Variants in RASSF3 observed in about 807,000 individuals in gnomAD.
RASSF3 encodes the protein ras association domain-containing protein 3.
A neutral mutation model predicts 19.9 loss-of-function variants in RASSF3; 19 were observed. The ratio of observed to expected loss-of-function variants is 0.96; its 90% CI spans 0.67 to 1.40. The LOEUF (loss-of-function observed/expected upper bound fraction) is 1.40, where lower values mean the gene tolerates loss of function less well. RASSF3 is among the 40% of genes most tolerant of loss of function. The probability of loss-of-function intolerance (pLI) is 0.00; values close to 1 mark genes in which losing one functional copy is unlikely to be tolerated. For missense variants in RASSF3, 306 were observed against 289.8 expected (o/e 1.06, Z -0.41); for synonymous variants, 110 against 104.2 (o/e 1.06, Z -0.34).
intron 1 of RASSF3, among the ~76,000 whole-genome samples, chr12:64,667,721 T>C (rs1166631271): frequency 6.6e-6 from 1 of 152,210 alleles, no homozygotes; most frequent in African/African-American, 2.4e-5. Context: ...TTTACCTTTA[T>C]GCTGATCAGG....
chr12:64,657,130 A>G (rs1277411628), intron 1 of RASSF3, among the ~76,000 whole-genome samples: 1 of 151,308 alleles, frequency 6.6e-6, no homozygotes, highest in African/African-American at 2.4e-5. Flanking sequence ...TCCTGCCTCA[A>G]CCTCCCTTGT....
chr12:64,647,258 AT>A (rs567500189), intron 1 of RASSF3, among the ~76,000 whole-genome samples: 6 of 149,930 alleles, frequency 4.0e-5, no homozygotes, highest in African/African-American at 1.5e-4. Context: ...TATTTATTTT[AT>A]TTTTTTTAAG....
intron 3 of RASSF3, among the ~76,000 whole-genome samples, chr12:64,689,198 A>T (rs1873478124): frequency 6.7e-6 from 1 of 150,198 alleles, no homozygotes; most frequent in African/African-American, 2.5e-5. Flanking sequence ...TCAGTGACTC[A>T]CTACATGCGA....
At chr12:64,603,875 G>A (rs1453861600) in intron 2 of RASSF3, among the ~76,000 whole-genome samples, 2 of 152,022 alleles carry the variant, frequency 1.3e-5, no homozygotes, top group Non-Finnish European at 2.9e-5. Flanking sequence ...TTGAGATGGA[G>A]TCTTGCTCTG....
chr12:64,637,865 C>T (rs1293969333), intron 1 of RASSF3, among the ~76,000 whole-genome samples: 1 of 149,036 alleles, frequency 6.7e-6, no homozygotes, highest in Non-Finnish European at 1.5e-5. Context: ...CAGAGTCTTG[C>T]TCTGTCGCCA....
At chr12:64,571,955 G>A (rs984570364) in intron 2 of RASSF3, among the ~76,000 whole-genome samples, 16 of 152,148 alleles carry the variant, frequency 1.1e-4, no homozygotes, top group African/African-American at 2.4e-4. Context: ...CTGATAGCTG[G>A]AGGACAAAGG....
intron 2 of RASSF3, among the ~76,000 whole-genome samples, chr12:64,587,405 T>C (rs1869831681): frequency 6.6e-6 from 1 of 152,166 alleles, no homozygotes; most frequent in African/African-American, 2.4e-5. Flanking sequence ...TGCATGTGTA[T>C]GTGGTTCTTA....
intron 2 of RASSF3, among the ~76,000 whole-genome samples, chr12:64,588,071 T>C (rs1869845464): frequency 6.6e-6 from 1 of 152,192 alleles, no homozygotes; most frequent in Non-Finnish European, 1.5e-5. Flanking sequence ...GGAATCATTC[T>C]TTACATCCCC....
At chr12:64,654,323 T>TA (rs1468940879) in intron 1 of RASSF3, 1 of 150,390 alleles carries the variant, frequency 6.6e-6, no homozygotes, top group Non-Finnish European at 1.5e-5. Context: ...CCCAGCTAAT[T>TA]TTTTTTTTCT....
At chr12:64,613,797 A>T (rs1264817223) in intron 1 of RASSF3, among the ~76,000 whole-genome samples, 2 of 151,994 alleles carry the variant, frequency 1.3e-5, no homozygotes, top group East Asian at 3.9e-4. Context: ...AAAATGCAAA[A>T]ATTAGTCAGG....
At chr12:64,677,464 CAG>C (rs1872950129) in intron 1 of RASSF3, among the ~76,000 whole-genome samples, 1 of 151,342 alleles carries the variant, frequency 6.6e-6, no homozygotes. Context: ...TTTTTAGAGA[CAG>C]GGTGTGCTGT....
chr12:64,528,676 G>A (rs943166947), upstream of RASSF3, among the ~76,000 whole-genome samples: 84 of 152,342 alleles, frequency 5.5e-4, no homozygotes, highest in Admixed American at 5.0e-3. Flanking sequence ...AGAAGAGGAC[G>A]TTGAAAGCAT....
intron 2 of RASSF3, 125 bp downstream of exon 2, chr12:64,685,019 A>G: frequency 3.4e-6 from 2 of 582,020 alleles, no homozygotes; most frequent in South Asian, 4.3e-5. Flanking sequence ...CAAGGTATAC[A>G]GAACAGGAAA....
chr12:64,634,934 G>T (rs1871283324), intron 1 of RASSF3, among the ~76,000 whole-genome samples: 1 of 149,922 alleles, frequency 6.7e-6, no homozygotes, highest in Non-Finnish European at 1.5e-5. Context: ...TCAAATCCAT[G>T]CATAGTTTCT....
chr12:64,648,802 A>ATTTTTTTTTTTTTTTTT (rs60003798), intron 1 of RASSF3, among the ~76,000 whole-genome samples: 1 of 104,994 alleles, frequency 9.5e-6, no homozygotes, highest in African/African-American at 3.9e-5. Flanking sequence ...TTTTACATTG[A>ATTTTTTTTTTTTTTTTT]TTTTTTTTTT....
intron 1 of RASSF3, among the ~76,000 whole-genome samples, chr12:64,539,545 G>A (rs1445943781): frequency 6.6e-6 from 1 of 152,168 alleles, no homozygotes; most frequent in African/African-American, 2.4e-5. Context: ...GGGAGGCCAA[G>A]GGGGCGGATC....
intron 4 of RASSF3, among the ~76,000 whole-genome samples, 155 bp downstream of exon 4, chr12:64,691,734 A>AGAAGAGAGATGGAG (rs1555217320): frequency 6.6e-6 from 1 of 151,048 alleles, no homozygotes; most frequent in Non-Finnish European, 1.5e-5. Context: ...GGGCAGGGAG[A>AGAAGAGAGATGGAG]GGGAGAGGGA....
chr12:64,597,046 C>T (rs1278450860), intron 2 of RASSF3, among the ~76,000 whole-genome samples: 1 of 152,138 alleles, frequency 6.6e-6, no homozygotes, highest in African/African-American at 2.4e-5. Context: ...GGATTACAGG[C>T]GTGAGCCACC....
chr12:64,527,217 G>A (rs1868607034), intron 1 of RASSF3, among the ~76,000 whole-genome samples: 1 of 152,128 alleles, frequency 6.6e-6, no homozygotes, highest in African/African-American at 2.4e-5. Flanking sequence ...ATCAATCAAG[G>A]TCTCCAGCAG....
Sources: gnomAD v4.1 joint callset for allele counts (sites outside exome capture counted in the v4.1 genomes callset) on GRCh38, gnomAD v4.1.1 for gene constraint, MANE v1.5 for transcripts, NCBI Gene and HGNC (gene_info 2026-07-23, HGNC 2026-07-21) for gene names.